Variants in CHODL observed in about 807,000 individuals in gnomAD.
The protein encoded by CHODL is transmembrane protein MT75.
A neutral mutation model predicts 34.5 loss-of-function variants in CHODL; 29 were observed. The observed-to-expected ratio is 0.84, with a 90% CI of 0.63 to 1.15. The LOEUF (loss-of-function observed/expected upper bound fraction) is 1.15. Among genes scored for constraint, CHODL ranks in the 50% most tolerant of loss-of-function variants. CHODL has a pLI of 0.00. For missense variants in CHODL, 332 were observed against 332.5 expected, an observed-to-expected ratio of 1.00 and a Z score of 0.01; for synonymous variants, 125 against 116.1, an observed-to-expected ratio of 1.08 and a Z score of -0.49.
chr21:18,204,018 T>A (rs1326007697), intron 2 of CHODL, among the ~76,000 whole-genome samples: 1 of 152,162 alleles, frequency 6.6e-6, no homozygotes, highest in African/African-American at 2.4e-5. Context: ...CCTAACATAG[T>A]GTCTTTTATT....
At chr21:18,074,888 C>T (rs936501477) in intron 2 of CHODL, among the ~76,000 whole-genome samples, 2 of 152,056 alleles carry the variant, frequency 1.3e-5, no homozygotes, top group South Asian at 4.1e-4. Context: ...GGAGTTGATA[C>T]ATTTGCAGGG....
intron 1 of CHODL, among the ~76,000 whole-genome samples, chr21:17,991,594 T>G (rs1163386742): frequency 6.6e-6 from 1 of 152,120 alleles, no homozygotes; most frequent in Non-Finnish European, 1.5e-5. Context: ...ATTGGCCATT[T>G]GTATGCATCC....
chr21:18,057,186 C>T (rs573532256), intron 2 of CHODL, among the ~76,000 whole-genome samples: 7 of 152,078 alleles, frequency 4.6e-5, no homozygotes, highest in Admixed American at 1.3e-4. Context: ...TGGGGAAAGA[C>T]GCTGAGATTT....
At chr21:18,001,445 C>G (rs1378078964) in intron 1 of CHODL, among the ~76,000 whole-genome samples, 1 of 152,134 alleles carries the variant, frequency 6.6e-6, no homozygotes, top group Non-Finnish European at 1.5e-5. Context: ...CATAAGGATG[C>G]CTTTCTTTTT....
chr21:18,260,393 C>G, intron 4 of CHODL, 107 bp downstream of exon 4: 1 of 677,426 alleles, frequency 1.5e-6, no homozygotes, highest in East Asian at 3.1e-5. Flanking sequence ...AAGTGGTTCA[C>G]TAAGTATGGT....
At chr21:18,098,311 A>G (rs2065165218) in intron 2 of CHODL, among the ~76,000 whole-genome samples, 1 of 152,008 alleles carries the variant, frequency 6.6e-6, no homozygotes, top group Non-Finnish European at 1.5e-5. Flanking sequence ...GACTACCCAT[A>G]TGATAAGGAA....
chr21:18,060,105 A>G (rs2064639564), intron 2 of CHODL, among the ~76,000 whole-genome samples: 1 of 152,092 alleles, frequency 6.6e-6, no homozygotes, highest in Non-Finnish European at 1.5e-5. Context: ...ATCGCTTCGT[A>G]TCAATTTTTG....
chr21:18,215,869 C>A (rs2146730106), intron 2 of CHODL, among the ~76,000 whole-genome samples: 1 of 152,258 alleles, frequency 6.6e-6, no homozygotes, highest in Admixed American at 6.5e-5. Context: ...CTAAATTGGT[C>A]TCTCTGCATG....
At chr21:18,228,518 G>A (rs529417698) in intron 2 of CHODL, among the ~76,000 whole-genome samples, 90 of 152,206 alleles carry the variant, frequency 5.9e-4, no homozygotes, top group Non-Finnish European at 1.2e-3. Context: ...GCAGTTCCTC[G>A]GGGGTTTGTC....
chr21:18,081,350 CT>C (rs1355696216), intron 2 of CHODL, among the ~76,000 whole-genome samples: 1 of 152,038 alleles, frequency 6.6e-6, no homozygotes, highest in African/African-American at 2.4e-5. Context: ...TGCCTGATTA[CT>C]CCAGTGAGAA....
intron 1 of CHODL, among the ~76,000 whole-genome samples, chr21:17,928,846 G>A (rs559947300): frequency 1.2e-4 from 19 of 152,250 alleles, no homozygotes; most frequent in South Asian, 8.3e-4. Context: ...ATTTTCAAAC[G>A]TATACAATAA....
rs1185327021 is a variant in CHODL, at chr21:18,236,782, A to G, written c.-44-19727A>G. ...AATACATGACAAGTTTTCTACTTATATTTATAAGATATCCTCAATGAAAAT... is the reference window on the plus strand; with the variant it reads ...AATACATGACAAGTTTTCTACTTATGTTTATAAGATATCCTCAATGAAAAT... On this transcript the variant is annotated intron_variant, in intron 2 of 6. Coordinates refer to the CHODL transcript ENST00000400127. 2.6e-5 allele frequency among the ~76,000 whole-genome samples: 4 copies of G among 152,132 alleles called. No individual in the cohort carries two copies. The East Asian group carries it at 5.8e-4, about 22-fold the overall frequency.
chr21:18,068,311 C>T (rs2064755737), intron 2 of CHODL, among the ~76,000 whole-genome samples: 1 of 151,884 alleles, frequency 6.6e-6, no homozygotes, highest in African/African-American at 2.4e-5. Context: ...ATTCTCCTGC[C>T]TCAGCCTACC....
At chr21:18,048,432 G>A (rs1487839730) in intron 2 of CHODL, among the ~76,000 whole-genome samples, 1 of 151,924 alleles carries the variant, frequency 6.6e-6, no homozygotes, top group African/African-American at 2.4e-5. Flanking sequence ...GGAACTAGGT[G>A]TGGGTATATA....
intron 2 of CHODL, among the ~76,000 whole-genome samples, chr21:18,236,031 T>TA (rs2074025672): frequency 1.3e-5 from 2 of 152,134 alleles, no homozygotes; most frequent in South Asian, 4.1e-4. Context: ...AGTTTTGTAT[T>TA]AGTACATTAT....
intron 1 of CHODL, among the ~76,000 whole-genome samples, chr21:17,921,192 G>A (rs1392552802): frequency 6.6e-6 from 1 of 152,214 alleles, no homozygotes; most frequent in East Asian, 1.9e-4. Flanking sequence ...GAGAGTCTAT[G>A]ATGCCAATGA....
intron 2 of CHODL, among the ~76,000 whole-genome samples, chr21:18,129,492 G>A (rs2016875334): frequency 6.6e-6 from 1 of 152,164 alleles, no homozygotes; most frequent in Non-Finnish European, 1.5e-5. Flanking sequence ...AAAATGTGAT[G>A]CAAGAGCCGC....
intron 1 of CHODL, among the ~76,000 whole-genome samples, chr21:17,985,987 G>A (rs1486591329): frequency 5.9e-5 from 9 of 151,910 alleles, no homozygotes; most frequent in Admixed American, 5.2e-4. Context: ...CACTCATGAG[G>A]GTTCTACCTT....
intron 2 of CHODL, among the ~76,000 whole-genome samples, chr21:18,236,865 T>A (rs1437284752): frequency 6.6e-6 from 1 of 152,080 alleles, no homozygotes; most frequent in Non-Finnish European, 1.5e-5. Context: ...GTAGTCTTTT[T>A]AAAAATCTTA....
Sources: allele counts gnomAD v4.1 joint callset (sites outside exome capture counted in the v4.1 genomes callset), GRCh38; gene constraint gnomAD v4.1.1; transcripts MANE v1.5; gene names NCBI Gene and HGNC (gene_info 2026-07-23, HGNC 2026-07-21).